Variants in PRKN observed in about 807,000 individuals in gnomAD.
The protein encoded by PRKN is parkin RBR E3 ubiquitin protein ligase.
A neutral mutation model predicts 59.5 loss-of-function variants in PRKN; 56 were observed. The ratio of observed to expected loss-of-function variants is 0.94; its 90% confidence interval spans 0.76 to 1.18. PRKN has a LOEUF of 1.18. Among genes scored for constraint, PRKN ranks in the 50% most tolerant of loss-of-function variants. The pLI is 0.00. For synonymous variants in PRKN, 250 were observed against 222.1 expected (o/e 1.13, Z -1.12); for missense variants, 657 against 596.4 (o/e 1.10, Z -1.06).
At chr6:162,701,454 T>G (rs1217582109) in intron 1 of PRKN, among the ~76,000 whole-genome samples, 1 of 152,048 alleles carries the variant, frequency 6.6e-6, no homozygotes, top group East Asian at 1.9e-4. Context: ...AAAGTAGTTT[T>G]TAAAATTTGA....
At chr6:161,412,715 C>T (rs1787641083) in intron 9 of PRKN, among the ~76,000 whole-genome samples, 1 of 151,756 alleles carries the variant, frequency 6.6e-6, no homozygotes. Context: ...TCCTTCCTCA[C>T]TCATTCCTCC....
At chr6:162,306,218 A>G (rs1183438519) in intron 2 of PRKN, among the ~76,000 whole-genome samples, 2 of 152,208 alleles carry the variant, frequency 1.3e-5, no homozygotes, top group African/African-American at 4.8e-5. Flanking sequence ...CAAAAGATGT[A>G]CAATGGTCAG....
intron 8 of PRKN, among the ~76,000 whole-genome samples, chr6:161,557,246 T>C (rs1388203680): frequency 6.6e-6 from 1 of 152,238 alleles, no homozygotes; most frequent in East Asian, 1.9e-4. Flanking sequence ...TGAATGCTCA[T>C]GGATTCTCTT....
chr6:161,532,158 CTCTCTCTCTATATATATA>C (rs1188481661), intron 9 of PRKN, among the ~76,000 whole-genome samples: 5 of 57,952 alleles, frequency 8.6e-5, no homozygotes, highest in South Asian at 1.7e-3. Context: ...CTCTCTCTCT[CTCTCTCTCTATATATATA>C]TATATATATA....
intron 1 of PRKN, among the ~76,000 whole-genome samples, chr6:162,587,078 C>T (rs879542670): frequency 6.6e-6 from 1 of 152,194 alleles, no homozygotes; most frequent in Non-Finnish European, 1.5e-5. Context: ...TACATTTTAA[C>T]AAACATTTAA....
chr6:162,227,556 T>C (rs1778237030), intron 3 of PRKN, among the ~76,000 whole-genome samples: 1 of 152,138 alleles, frequency 6.6e-6, no homozygotes. Context: ...GGCGCAAATA[T>C]GTGAGTCCCA....
chr6:162,573,009 C>T (rs1037288938), intron 1 of PRKN, among the ~76,000 whole-genome samples: 4 of 152,164 alleles, frequency 2.6e-5, no homozygotes, highest in Non-Finnish European at 5.9e-5. Context: ...ATCTTAATTG[C>T]CAGACATACA....
At chr6:162,678,791 T>C (rs745985840) in intron 1 of PRKN, among the ~76,000 whole-genome samples, 5 of 152,236 alleles carry the variant, frequency 3.3e-5, no homozygotes, top group Non-Finnish European at 5.9e-5. Context: ...CGTTTGTTTT[T>C]TGAGATGGAG....
At chr6:161,980,313 A>C (rs1460395124) in intron 5 of PRKN, among the ~76,000 whole-genome samples, 1 of 152,194 alleles carries the variant, frequency 6.6e-6, no homozygotes, top group African/African-American at 2.4e-5. Context: ...AGAAAAAAAA[A>C]CTATCCTTCT....
At chr6:162,068,587 T>C (rs573209446) in intron 4 of PRKN, among the ~76,000 whole-genome samples, 1 of 152,340 alleles carries the variant, frequency 6.6e-6, no homozygotes, top group African/African-American at 2.4e-5. Flanking sequence ...TTCTGCTGCC[T>C]GTTGGCTGGA....
intron 2 of PRKN, among the ~76,000 whole-genome samples, chr6:162,285,102 C>T (rs1781121078): frequency 6.6e-6 from 1 of 152,052 alleles, no homozygotes; most frequent in Admixed American, 6.6e-5. Flanking sequence ...ACCCTACTGA[C>T]ACCTTGACTT....
At chr6:161,788,596 A>G (rs1790517347) in intron 6 of PRKN, among the ~76,000 whole-genome samples, 1 of 152,044 alleles carries the variant, frequency 6.6e-6, no homozygotes, top group Non-Finnish European at 1.5e-5. Context: ...TGAATAAAAA[A>G]TAGGAGAAAT....
chr6:162,117,744 T>C (rs1484731184), intron 4 of PRKN, among the ~76,000 whole-genome samples: 1 of 152,196 alleles, frequency 6.6e-6, no homozygotes, highest in East Asian at 1.9e-4. Flanking sequence ...GCCTTTTACC[T>C]CTATGCACAG....
intron 6 of PRKN, among the ~76,000 whole-genome samples, chr6:161,950,840 T>A (rs1779960776): frequency 6.6e-6 from 1 of 151,128 alleles, no homozygotes; most frequent in Non-Finnish European, 1.5e-5. Flanking sequence ...TCTTCGAGAG[T>A]TGTAAAAGCC....
At chr6:162,727,031 A>C (rs1353744593) in intron 1 of PRKN, 1 of 152,030 alleles carries the variant, frequency 6.6e-6, no homozygotes, top group Non-Finnish European at 1.5e-5. Flanking sequence ...ATTTTGCAAA[A>C]GGCAATAGAT....
intron 1 of PRKN, among the ~76,000 whole-genome samples, chr6:162,558,479 G>A (rs1391272161): frequency 6.6e-6 from 1 of 151,824 alleles, no homozygotes; most frequent in Non-Finnish European, 1.5e-5. Flanking sequence ...ACAGGCATGC[G>A]CCACCACACC....
chr6:162,509,023 T>A (rs1484393117), intron 1 of PRKN, among the ~76,000 whole-genome samples: 1 of 152,154 alleles, frequency 6.6e-6, no homozygotes, highest in African/African-American at 2.4e-5. Flanking sequence ...AATCTAAGAA[T>A]GAGGAAACAC....
intron 3 of PRKN, among the ~76,000 whole-genome samples, chr6:162,222,462 A>T (rs1777979062): frequency 6.6e-6 from 1 of 152,312 alleles, no homozygotes; most frequent in East Asian, 1.9e-4. Flanking sequence ...GTGTCAGGGC[A>T]TTGCAGGAGC....
chr6:161,976,446 G>A (rs1781036008), intron 5 of PRKN, among the ~76,000 whole-genome samples: 1 of 152,194 alleles, frequency 6.6e-6, no homozygotes. Context: ...GCTCAGGCAT[G>A]CCTGTGGAGT....
Sources: allele counts gnomAD v4.1 joint callset (sites outside exome capture counted in the v4.1 genomes callset), GRCh38; gene constraint gnomAD v4.1.1; transcripts MANE v1.5; gene names NCBI Gene and HGNC (gene_info 2026-07-23, HGNC 2026-07-21).